SMG8: variants seen among roughly 807,000 people sequenced by gnomAD.
SMG8 encodes the protein nonsense-mediated mRNA decay factor SMG8.
SMG8 carries 49 observed loss-of-function variants against 82.1 expected under a neutral mutation model. That is an observed-to-expected ratio of 0.60 (90% CI 0.47 to 0.76). The LOEUF is 0.76. SMG8 is among the 30% of genes least tolerant of loss of function. The probability of loss-of-function intolerance (pLI) is 0.00; values close to 1 mark genes in which losing one functional copy is unlikely to be tolerated. For synonymous variants in SMG8, 404 were observed against 430.0 expected (o/e 0.94, Z 0.75); for missense variants, 969 against 1,166.4 (o/e 0.83, Z 2.46).
chr17:59,213,725 G>T (rs2046955539), intron 3 of SMG8, 124 bp downstream of exon 3: 4 of 1,294,328 alleles, frequency 3.1e-6, no homozygotes, highest in Non-Finnish European at 4.2e-6. Context: ...AGTGGCTCAT[G>T]CTTGTAATCC....
rs951306327 is a variant in SMG8 at position 59,213,614 on chromosome 17, A to G, written c.2778+13A>G. 3.2e-6 allele frequency: 5 copies of G among 1,578,812 alleles called. No homozygotes were observed. The African/African-American group carries it at 5.5e-5, about 17-fold the overall frequency. ...ACTAATGCCTCAGGTAAGAAATATA[A>G]CCCTCTGCAGCCCCAAACAAGTAAA... On this transcript the variant is annotated intron_variant, in intron 3 of 3. Coordinates refer to ENST00000300917, the MANE Select transcript of SMG8 (RefSeq NM_018149.7).
chr17:59,213,284 A>C lies in SMG8; in HGVS notation c.2461A>C (p.Asn821His), dbSNP rs1487148079. The C allele has an allele frequency of 2.5e-6, 4 of 1,614,186 alleles. No homozygotes were observed. The highest frequency in any genetic ancestry group is 2.5e-6 in the Non-Finnish European group (3 of 1,180,032). The change falls in exon 3 of 4, where the codon AAT (asparagine) becomes CAT (histidine). Residue 821 changes from asparagine (N) to histidine (H), a missense_variant. This residue lies in a region of SMG8 where 662 missense variants were observed against 884.8 expected (regional missense o/e 0.75). Transcript: ENST00000300917. The part of the protein sequence containing the change: ...DLDTNSWPAP[N>H]KAIPGKRSAV... ...AGACACAAACTCTTGGCCTGCTCCA[A>C]ATAAAGCTATTCCTGGAAAGAGAAG...
intron 3 of SMG8, 117 bp downstream of exon 3, chr17:59,213,718 G>A: frequency 7.5e-7 from 1 of 1,335,374 alleles, no homozygotes; most frequent in Non-Finnish European, 1.0e-6. Context: ...TGAGGGCAGT[G>A]GCTCATGCTT....
At position 59,212,758 on chromosome 17, in the gene SMG8, G is replaced by A. The variant is rs1281662791; in HGVS notation, c.1935G>A (p.Leu645=). Residue 645 remains leucine, a synonymous_variant, in exon 3 of 4, where the codon TTG becomes TTA. Coordinates refer to ENST00000300917, the MANE Select transcript of SMG8 (RefSeq NM_018149.7). ...QLLEEKCCGK[L]DHINFPVFEP... ...TGGAAGAAAAGTGTTGTGGAAAATTGGATCATATCAATTTCCCAGTATTTG... is the reference window on the plus strand; with the variant it reads ...TGGAAGAAAAGTGTTGTGGAAAATTAGATCATATCAATTTCCCAGTATTTG... 3.7e-6 allele frequency: 6 copies of A among 1,607,108 alleles called. No individual in the cohort carries two copies. The highest frequency in any genetic ancestry group is 1.3e-5 in the African/African-American group (1 of 74,278).
intron 1 of SMG8, 170 bp from the exon 2 acceptor site, chr17:59,212,171 A>T (rs1013641310): frequency 4.1e-6 from 2 of 487,992 alleles, no homozygotes; most frequent in Non-Finnish European, 6.8e-6. Flanking sequence ...ATTCACTTAA[A>T]AACTCTAAAC....
At position 59,210,319 on chromosome 17, in the gene SMG8, C is replaced by T. The variant is rs757905752; in HGVS notation, c.268C>T (p.Pro90Ser). ...CCACCAAGATCCTGGGGATCCAGGA[C>T]CTGGAATCAGAACTGAGGCTGGCGC... ...FRHQDPGDPGPGIRTEAGAVG... is the reference protein window; with the variant it reads ...FRHQDPGDPGSGIRTEAGAVG... Residue 90 changes from proline (P) to serine (S), a missense_variant, in exon 1 of 4, where the codon CCT becomes TCT. By Grantham distance (74) the Pro-to-Ser change is moderately conservative. Transcript: ENST00000300917. 6.8e-6 allele frequency: 11 copies of T among 1,612,876 alleles called. No homozygotes were observed. Among genetic ancestry groups the T allele is most frequent in the South Asian group, 3.3e-5 (3 of 90,956 alleles).
chr17:59,212,860 TAAAG>T lies in SMG8; in HGVS notation c.2041_2044del (p.Glu681LysfsTer12). The T allele has an allele frequency of 6.2e-7, 1 of 1,613,948 alleles. No individual in the cohort carries two copies. The highest frequency in any genetic ancestry group is 8.5e-7 in the Non-Finnish European group (1 of 1,180,002). On this transcript the variant is annotated frameshift_variant, in exon 3 of 4. Transcript: ENST00000300917. LOFTEE classifies it high-confidence loss of function. ...CTCCAGATTCGGATGCTGATAAACT[TAAAG>T]AAAAAGAACCTCAAACCCAAGGAGA... is the stretch of plus-strand genomic sequence containing the variant.
Position 59,210,902 on chromosome 17 carries a change from A to G in SMG8, c.851A>G (p.Asp284Gly). 1 of 1,614,158 alleles carries G rather than the reference A, an allele frequency of 6.2e-7. No individual in the cohort carries two copies. The highest frequency in any genetic ancestry group is 8.5e-7 in the Non-Finnish European group (1 of 1,180,034). Residue 284 changes from aspartate (D) to glycine (G), a missense_variant, in exon 1 of 4, where the codon GAC becomes GGC. Physicochemically the swap from Asp to Gly is moderately conservative, Grantham distance 94. Around this residue, in one of 3 missense-constraint regions of SMG8, gnomAD observed 662 missense variants for 884.8 expected, o/e 0.75. Coordinates refer to ENST00000300917, the MANE Select transcript of SMG8 (RefSeq NM_018149.7). ...AAGGTAGAACCTCCTCGGAACCAAG[A>G]CCCAGCTCATCCAGACAAGCCCAAG... Reference protein sequence around the residue: ...ALKVEPPRNQDPAHPDKPKKH... With the variant: ...ALKVEPPRNQGPAHPDKPKKH...
chr17:59,210,809 A>T lies in SMG8; in HGVS notation c.758A>T (p.Asp253Val), dbSNP rs1486317689. The change falls in exon 1 of 4, where the codon GAC (aspartate) becomes GTC (valine). Residue 253 changes from aspartate (D) to valine (V), a missense_variant. Physicochemically the swap from Asp to Val is radical, Grantham distance 152. Coordinates refer to ENST00000300917, the MANE Select transcript of SMG8 (RefSeq NM_018149.7). Reference sequence around the variant, plus strand: ...ATTAAGGATTGTCCAGTTGGCAAAGACTGGAAGCTAAACTGCCGACCTTGC... The same window carrying T: ...ATTAAGGATTGTCCAGTTGGCAAAGTCTGGAAGCTAAACTGCCGACCTTGC... ...TAIKDCPVGK[D>V]WKLNCRPCPP... 1 of 1,614,142 alleles carries T rather than the reference A, an allele frequency of 6.2e-7. No homozygotes were observed. Among genetic ancestry groups the T allele is most frequent in the Admixed American group, 1.7e-5 (1 of 60,016 alleles).
intron 3 of SMG8, among the ~76,000 whole-genome samples, chr17:59,214,572 TA>T (rs1208780688): frequency 6.6e-6 from 1 of 151,970 alleles, no homozygotes; most frequent in Admixed American, 6.6e-5. Context: ...CACACCTGAC[TA>T]ATTTTTTGTA....
chr17:59,211,841 A>G (rs1417465791), intron 1 of SMG8, 31 bp downstream of exon 1: 3 of 1,489,620 alleles, frequency 2.0e-6, no homozygotes, highest in Non-Finnish European at 2.7e-6. Flanking sequence ...ATTTTGAAAT[A>G]AAAACTTTGA....
Position 59,213,944 on chromosome 17 carries a change from A to C in SMG8, c.2778+343A>C, listed in dbSNP as rs914747090. 1.3e-5 allele frequency among the ~76,000 whole-genome samples: 2 copies of C among 152,184 alleles called. 1 individual carries two copies. The highest frequency in any genetic ancestry group is 4.1e-4 in the South Asian group (2 of 4,836). On this transcript the variant is annotated intron_variant, in intron 3 of 3. Transcript: ENST00000300917. Reference sequence around the variant, plus strand: ...GTGGGTATTTTAATCCGTTCATGCTATCAATTCACATCATTTCATTCAAAG... The same window carrying C: ...GTGGGTATTTTAATCCGTTCATGCTCTCAATTCACATCATTTCATTCAAAG...
In SMG8 at chr17:59,212,883, A is replaced by T. The variant is rs763110970; in HGVS notation, c.2060A>T (p.Gln687Leu). The T allele has an allele frequency of 1.9e-6, 3 of 1,614,004 alleles. No individual in the cohort carries two copies. The South Asian group carries it at 3.3e-5, about 18-fold the overall frequency. Reference protein sequence around the residue: ...DKLKEKEPQTQGESTSLSLAL... With the variant: ...DKLKEKEPQTLGESTSLSLAL... The stretch of plus-strand genomic sequence containing the variant: ...CTTAAAGAAAAAGAACCTCAAACCC[A>T]AGGAGAGAGCACGAGCCTGAGTTTA... The change falls in exon 3 of 4, where the codon CAA becomes CTA. Residue 687 changes from glutamine to leucine, a missense_variant. Gln to Leu is a moderately radical substitution (Grantham distance 113). This residue lies in a region of SMG8 where 662 missense variants were observed against 884.8 expected (regional missense o/e 0.75). Transcript: ENST00000300917.
Position 59,210,210 on chromosome 17 carries a change from C to G in SMG8, c.159C>G (p.Phe53Leu). The change falls in exon 1 of 4, where the codon TTC becomes TTG. Residue 53 changes from phenylalanine to leucine, a missense_variant. Physicochemically the swap from Phe to Leu is conservative, Grantham distance 22 (BLOSUM62 0). This residue lies in a region of SMG8 where 206 missense variants were observed against 190.5 expected (regional missense o/e 1.08). Coordinates refer to ENST00000300917, the MANE Select transcript of SMG8 (RefSeq NM_018149.7). Reference sequence around the variant, plus strand: ...ATGAGATCTGCGTTGTGGGAATCTTCGGCAAGACGGCTCTACGCCTGAATT... The same window carrying G: ...ATGAGATCTGCGTTGTGGGAATCTTGGGCAAGACGGCTCTACGCCTGAATT... Reference protein sequence around the residue: ...REDEICVVGIFGKTALRLNSE... With the variant: ...REDEICVVGILGKTALRLNSE... 1.2e-6 allele frequency: 2 copies of G among 1,602,184 alleles called. No homozygotes were observed. Among genetic ancestry groups the G allele is most frequent in the Non-Finnish European group, 1.7e-6 (2 of 1,174,246 alleles).
chr17:59,213,580 G>A lies in SMG8; in HGVS notation c.2757G>A (p.Leu919=), dbSNP rs759349975. The change falls in exon 3 of 4, where the codon TTG becomes TTA. Residue 919 remains leucine, a synonymous_variant. Coordinates refer to ENST00000300917, the MANE Select transcript of SMG8 (RefSeq NM_018149.7). ...TTGTTGTGGTTCCTGATGCTCCTTT[G>A]CAGATAATACTAATGCCTCAGGTAA... ...RLFVVVPDAP[L]QIILMPQVQP... is the part of the protein sequence containing the mutation. 6.2e-7 allele frequency: 1 copy of A among 1,612,144 alleles called. No individual in the cohort carries two copies. Among genetic ancestry groups the A allele is most frequent in the Non-Finnish European group, 8.5e-7 (1 of 1,179,326 alleles).
intron 3 of SMG8, among the ~76,000 whole-genome samples, chr17:59,214,242 G>A (rs1233417901): frequency 1.3e-5 from 2 of 151,892 alleles, no homozygotes; most frequent in East Asian, 1.9e-4. Flanking sequence ...AGCCGAGATC[G>A]CGCCATTGCA....
Position 59,211,216 on chromosome 17 carries a change from C to T in SMG8, c.1165C>T (p.Gln389Ter). Residue 389 changes from glutamine (Q) to a stop codon, truncating the protein, a stop_gained, in exon 1 of 4, where the codon CAA becomes TAA. Transcript: ENST00000300917. LOFTEE classifies it high-confidence loss of function. ...GGTGATGAGGCAGCACAGCCGACAA[C>T]AACTTTCCTTTCACATTGACAGCAG... ...YQVMRQHSRQ[Q>*]LSFHIDSSSS... 1.2e-6 allele frequency: 2 copies of T among 1,614,232 alleles called. No individual in the cohort carries two copies. Among genetic ancestry groups the T allele is most frequent in the Non-Finnish European group, 1.7e-6 (2 of 1,180,034 alleles).
In SMG8 at chr17:59,210,268, G is replaced by A; in HGVS notation, c.217G>A (p.Asp73Asn). 1.2e-6 allele frequency: 2 copies of A among 1,613,306 alleles called. No individual in the cohort carries two copies. Among genetic ancestry groups the A allele is most frequent in the Non-Finnish European group, 1.7e-6 (2 of 1,179,872 alleles). Residue 73 changes from aspartate to asparagine, a missense_variant, in exon 1 of 4, where the codon GAC (aspartate) becomes AAC (asparagine). Transcript: ENST00000300917. ...GTTCTCTCTTGTGAATACGGTGTGC[G>A]ACCGACAGGTCTTTCCTCTCTTTCG... ...EKFSLVNTVC[D>N]RQVFPLFRHQ... is the part of the protein sequence containing the mutation.
At chr17:59,213,734 C>T in intron 3 of SMG8, 133 bp downstream of exon 3, 6 of 1,239,460 alleles carry the variant, frequency 4.8e-6, no homozygotes, top group Non-Finnish European at 5.5e-6. Context: ...TGCTTGTAAT[C>T]CCAGAACTTT....
Sources: allele counts gnomAD v4.1 joint callset (sites outside exome capture counted in the v4.1 genomes callset), GRCh38; gene constraint gnomAD v4.1.1; regional missense constraint gnomAD v4.1.1; transcripts MANE v1.5; gene names NCBI Gene and HGNC (gene_info 2026-07-23, HGNC 2026-07-21).